The following R3HCC1L variants were observed in gnomAD, a reference collection of about 807,000 sequenced individuals.
R3HCC1L encodes the protein coiled-coil domain-containing protein R3HCC1L.
A neutral mutation model predicts 59.9 loss-of-function variants in R3HCC1L; 51 were observed. That is an observed-to-expected ratio of 0.85 (90% CI 0.68 to 1.07). R3HCC1L has a LOEUF of 1.07. Ranked by LOEUF, R3HCC1L falls within the 50% of genes least tolerant of loss-of-function variation. The pLI, the probability that R3HCC1L is intolerant of heterozygous loss-of-function variation, is 0.00. For synonymous variants in R3HCC1L, 322 were observed against 315.2 expected (o/e 1.02, Z -0.23); for missense variants, 965 against 933.0 (o/e 1.03, Z -0.45).
At chr10:98,189,939 G>A (rs1404846765) in intron 4 of R3HCC1L, among the ~76,000 whole-genome samples, 1 of 152,182 alleles carries the variant, frequency 6.6e-6, no homozygotes, top group African/African-American at 2.4e-5. Context: ...ATTTGCAAAT[G>A]CAGTTGACCC....
chr10:98,175,075 G>A (rs77451527), intron 4 of R3HCC1L, among the ~76,000 whole-genome samples: 3,327 of 152,192 alleles, frequency 0.022, 113 homozygotes, highest in African/African-American at 0.075. Context: ...TCGTTAACGC[G>A]TGCAAAGTTG....
At chr10:98,153,354 G>A (rs1349000436) in intron 1 of R3HCC1L, among the ~76,000 whole-genome samples, 1 of 152,112 alleles carries the variant, frequency 6.6e-6, no homozygotes, top group Admixed American at 6.6e-5. Context: ...GTCCACTCAG[G>A]GTTAAATGGA....
chr10:98,174,767 G>T (rs1360543786), intron 4 of R3HCC1L: 1 of 980,386 alleles, frequency 1.0e-6, no homozygotes, highest in South Asian at 4.7e-5. Flanking sequence ...TAAATGCAAG[G>T]TAAGCCTAGT....
At chr10:98,168,585 T>C (rs1848195038) in intron 4 of R3HCC1L, among the ~76,000 whole-genome samples, 1 of 152,202 alleles carries the variant, frequency 6.6e-6, no homozygotes, top group African/African-American at 2.4e-5. Flanking sequence ...ATGAAATGTT[T>C]CTTCCAGTTG....
chr10:98,166,323 G>C (rs1184618490), intron 4 of R3HCC1L, among the ~76,000 whole-genome samples: 1 of 152,216 alleles, frequency 6.6e-6, no homozygotes, highest in Non-Finnish European at 1.5e-5. Flanking sequence ...TGGACTTCTA[G>C]CTATTAGAAT....
intron 4 of R3HCC1L, chr10:98,174,630 A>G: frequency 1.0e-6 from 1 of 985,406 alleles, no homozygotes; most frequent in South Asian, 4.7e-5. Context: ...GACATTATCA[A>G]GGAGGGCATT....
intron 1 of R3HCC1L, among the ~76,000 whole-genome samples, chr10:98,153,551 T>G (rs1157126040): frequency 6.7e-6 from 1 of 148,526 alleles, no homozygotes; most frequent in Non-Finnish European, 1.5e-5. Flanking sequence ...TTCCCTCCAG[T>G]ATTGTCCTAT....
intron 5 of R3HCC1L, among the ~76,000 whole-genome samples, chr10:98,218,906 T>C (rs1854537495): frequency 6.6e-6 from 1 of 152,184 alleles, no homozygotes; most frequent in Non-Finnish European, 1.5e-5. Flanking sequence ...ACTGAGTTGA[T>C]CGCTTTATCA....
chr10:98,181,787 T>A (rs1353330382), intron 4 of R3HCC1L, among the ~76,000 whole-genome samples: 1 of 152,242 alleles, frequency 6.6e-6, no homozygotes, highest in Admixed American at 6.5e-5. Context: ...ATACCCTTTA[T>A]TCCAGTTGAT....
intron 1 of R3HCC1L, among the ~76,000 whole-genome samples, chr10:98,150,425 G>T (rs1564616515): frequency 6.6e-6 from 1 of 151,250 alleles, no homozygotes; most frequent in African/African-American, 2.4e-5. Flanking sequence ...CTTGTTTTCT[G>T]TTTTTCAAGC....
intron 1 of R3HCC1L, among the ~76,000 whole-genome samples, chr10:98,138,224 TG>T (rs1844784751): frequency 1.3e-5 from 2 of 152,262 alleles, no homozygotes; most frequent in South Asian, 4.1e-4. Context: ...TTTTTTGATG[TG>T]GTATGCCTGT....
chr10:98,198,949 A>T (rs1226652605), intron 4 of R3HCC1L, among the ~76,000 whole-genome samples: 2 of 152,186 alleles, frequency 1.3e-5, no homozygotes, highest in Admixed American at 1.3e-4. Flanking sequence ...AAACTACAAA[A>T]ATAAACAAAT....
intron 5 of R3HCC1L, 105 bp downstream of exon 5, chr10:98,210,004 C>T: frequency 1.2e-6 from 1 of 826,330 alleles, no homozygotes; most frequent in Middle Eastern, 2.7e-4. Context: ...TTAAGAGTTC[C>T]TGCAATAAAC....
chr10:98,158,968 G>A (rs1362484988), intron 2 of R3HCC1L, among the ~76,000 whole-genome samples: 1 of 151,912 alleles, frequency 6.6e-6, no homozygotes, highest in African/African-American at 2.4e-5. Flanking sequence ...CACCACACCT[G>A]GCTAATTTCT....
intron 4 of R3HCC1L, among the ~76,000 whole-genome samples, chr10:98,176,138 T>C (rs566582176): frequency 6.6e-6 from 1 of 152,278 alleles, no homozygotes; most frequent in African/African-American, 2.4e-5. Flanking sequence ...TCTAAATGTT[T>C]ACCCTTTCTC....
In R3HCC1L at chr10:98,207,550, C is replaced by T. The variant is rs139541822; in HGVS notation, c.-14-551C>T. On this transcript the variant is annotated intron_variant, in intron 4 of 9. Transcript: ENST00000298999. Reference sequence around the variant, plus strand: ...TAGAATAATACTTTTCTCTTTTTCACTACTTTCTCTTTTCTAAGATATCTT... The same window carrying T: ...TAGAATAATACTTTTCTCTTTTTCATTACTTTCTCTTTTCTAAGATATCTT... 2.5e-4 allele frequency among the ~76,000 whole-genome samples: 38 copies of T among 152,258 alleles called. No individual in the cohort carries two copies. In the East Asian group the frequency reaches 7.1e-3, roughly 29 times the overall value.
chr10:98,202,593 C>CTTGT (rs1156696699), intron 4 of R3HCC1L, among the ~76,000 whole-genome samples: 5 of 152,062 alleles, frequency 3.3e-5, no homozygotes, highest in Non-Finnish European at 7.4e-5. Context: ...GTGGCTCACG[C>CTTGT]TTGTAATCCC....
At chr10:98,177,993 C>T (rs1849215843) in intron 4 of R3HCC1L, among the ~76,000 whole-genome samples, 1 of 152,112 alleles carries the variant, frequency 6.6e-6, no homozygotes, top group South Asian at 2.1e-4. Context: ...CATTTTCTCC[C>T]ATTCTGTAGG....
chr10:98,181,803 C>T (rs1044179587), intron 4 of R3HCC1L, among the ~76,000 whole-genome samples: 20 of 152,294 alleles, frequency 1.3e-4, no homozygotes, highest in East Asian at 3.9e-4. Context: ...TTGATCGAAT[C>T]GGCTACTGAA....
Sources: allele counts gnomAD v4.1 joint callset (sites outside exome capture counted in the v4.1 genomes callset), GRCh38; gene constraint gnomAD v4.1.1; transcripts MANE v1.5; gene names NCBI Gene and HGNC (gene_info 2026-07-23, HGNC 2026-07-21).